The following B4GALNT3 variants were observed in gnomAD, a reference collection of about 807,000 sequenced individuals.
The protein encoded by B4GALNT3 is beta-1,4-N-acetylgalactosaminyltransferase 3.
B4GALNT3 carries 86 observed loss-of-function variants against 120.2 expected under a neutral mutation model. The ratio of observed to expected loss-of-function variants is 0.72; its 90% CI spans 0.60 to 0.86. The LOEUF (loss-of-function observed/expected upper bound fraction) is 0.86, where lower values mean the gene tolerates loss of function less well. Ranked by LOEUF, B4GALNT3 falls within the 40% of genes least tolerant of loss-of-function variation. B4GALNT3 has a pLI of 0.00. For synonymous variants in B4GALNT3, 518 were observed against 510.4 expected, an observed-to-expected ratio of 1.01 and a Z score of -0.20; for missense variants, 1,167 against 1,298.9, an observed-to-expected ratio of 0.90 and a Z score of 1.56.
chr12:544,341 C>G lies in B4GALNT3; in HGVS notation c.354C>G (p.Phe118Leu). 1.2e-6 allele frequency: 2 copies of G among 1,613,386 alleles called. No homozygotes were observed. The highest frequency in any genetic ancestry group is 1.7e-6 in the Non-Finnish European group (2 of 1,179,850). The change falls in exon 4 of 20, where the codon TTC becomes TTG. Residue 118 changes from phenylalanine to leucine, a missense_variant and splice_region_variant. Coordinates refer to ENST00000266383, the MANE Select transcript of B4GALNT3 (RefSeq NM_173593.4). Reference protein sequence around the residue: ...WNKPVPWLSEFRGRANLHVFE... With the variant: ...WNKPVPWLSELRGRANLHVFE... ...CCACTGGCGTCTCCGCCCTGCAGTT[C>G]CGGGGCCGTGCCAACCTGCATGTGT...
At chr12:527,849 C>A (rs1406716377) in intron 1 of B4GALNT3, among the ~76,000 whole-genome samples, 1 of 152,186 alleles carries the variant, frequency 6.6e-6, no homozygotes, top group African/African-American at 2.4e-5. Context: ...GGTCTCCACA[C>A]TCTTCCTTGC....
chr12:511,308 CCTTCCG>C (rs1946550472), intron 1 of B4GALNT3, among the ~76,000 whole-genome samples: 1 of 112,132 alleles, frequency 8.9e-6, no homozygotes. Flanking sequence ...CCACCTTCCA[CCTTCCG>C]CCTTCTGCCT....
chr12:551,243 C>T (rs2076943760), intron 11 of B4GALNT3, among the ~76,000 whole-genome samples: 1 of 152,254 alleles, frequency 6.6e-6, no homozygotes, highest in Non-Finnish European at 1.5e-5. Context: ...CACGTGGGTG[C>T]TCTGCCTCAG....
At chr12:554,445 TTA>T (rs1403758521) in intron 14 of B4GALNT3, among the ~76,000 whole-genome samples, 2 of 152,204 alleles carry the variant, frequency 1.3e-5, no homozygotes, top group Non-Finnish European at 2.9e-5. Context: ...ACGATAAAAT[TTA>T]TATAACATTA....
intron 1 of B4GALNT3, among the ~76,000 whole-genome samples, chr12:505,438 A>G (rs1016961472): frequency 3.0e-4 from 46 of 151,996 alleles, no homozygotes; most frequent in African/African-American, 1.1e-3. Context: ...TGGACTCCCT[A>G]AGCCCAGAGG....
chr12:519,864 G>C (rs777194989), intron 1 of B4GALNT3, among the ~76,000 whole-genome samples: 5 of 152,166 alleles, frequency 3.3e-5, no homozygotes, highest in Non-Finnish European at 7.4e-5. Flanking sequence ...AACAGCGCTC[G>C]CCATAACCCT....
intron 1 of B4GALNT3, among the ~76,000 whole-genome samples, chr12:472,261 C>A (rs993248778): frequency 2.6e-5 from 4 of 152,126 alleles, no homozygotes; most frequent in African/African-American, 9.7e-5. Flanking sequence ...GAGCAACATA[C>A]ATTTATTTTA....
intron 1 of B4GALNT3, among the ~76,000 whole-genome samples, chr12:527,822 G>A (rs1293598694): frequency 6.6e-6 from 1 of 152,190 alleles, no homozygotes; most frequent in Non-Finnish European, 1.5e-5. Flanking sequence ...GTTTGGGACC[G>A]TGGGACAATA....
chr12:551,315 G>A (rs1264505420), intron 11 of B4GALNT3, among the ~76,000 whole-genome samples: 1 of 152,186 alleles, frequency 6.6e-6, no homozygotes, highest in African/African-American at 2.4e-5. Context: ...CCTGGCTGAG[G>A]CTTCTTAAGC....
chr12:549,168 C>T (rs925411917), intron 9 of B4GALNT3, among the ~76,000 whole-genome samples: 3 of 152,092 alleles, frequency 2.0e-5, no homozygotes, highest in Non-Finnish European at 4.4e-5. Context: ...TGCATGAACC[C>T]GGGAGACAGA....
rs1358051759 is a variant in B4GALNT3 at position 558,616 on chromosome 12, A to G, written c.2716A>G (p.Met906Val). ...CVEGKMAFAPMVMRLHCGATP... is the reference protein window; with the variant it reads ...CVEGKMAFAPVVMRLHCGATP... ...GGAGGGAAAGATGGCCTTTGCCCCC[A>G]TGGTGATGAGGCTGCATTGTGGGGC... The change falls in exon 18 of 20, where the codon ATG becomes GTG. Residue 906 changes from methionine (M) to valine (V), a missense_variant. Transcript: ENST00000266383. 1 of 1,613,974 alleles carries G rather than the reference A, an allele frequency of 6.2e-7. No individual in the cohort carries two copies. The highest frequency in any genetic ancestry group is 1.7e-5 in the Admixed American group (1 of 60,002).
intron 1 of B4GALNT3, among the ~76,000 whole-genome samples, chr12:481,154 G>T (rs1565589950): frequency 6.6e-6 from 1 of 152,150 alleles, no homozygotes; most frequent in Non-Finnish European, 1.5e-5. Context: ...CACCAGAGGT[G>T]CCCCTGGAGG....
chr12:556,900 G>T, intron 15 of B4GALNT3, 34 bp downstream of exon 15: 1 of 1,574,856 alleles, frequency 6.3e-7, no homozygotes, highest in Non-Finnish European at 8.6e-7. Flanking sequence ...CATTCTCAGG[G>T]GCGGGGTCCT....
intron 7 of B4GALNT3, among the ~76,000 whole-genome samples, chr12:547,131 G>T (rs557151523): frequency 5.9e-5 from 9 of 151,728 alleles, no homozygotes; most frequent in Admixed American, 2.6e-4. Context: ...GGTGGCCCAC[G>T]CGCGCTCACG....
At chr12:513,392 A>G (rs1946618801) in intron 1 of B4GALNT3, among the ~76,000 whole-genome samples, 1 of 152,240 alleles carries the variant, frequency 6.6e-6, no homozygotes, top group African/African-American at 2.4e-5. Context: ...TAGATGCTAA[A>G]CGGTGTGGGT....
Position 460,282 on chromosome 12 carries a change from G to T in B4GALNT3, c.-95G>T. 1 of 902,950 alleles carries T rather than the reference G, an allele frequency of 1.1e-6. No homozygotes were observed. Among genetic ancestry groups the T allele is most frequent in the Non-Finnish European group, 1.3e-6 (1 of 756,578 alleles). 55.9% of individuals were successfully genotyped at this position (902,950 alleles called of 1,614,324 possible). ...CGGCGCAGCCCTGAGACGCTGGGCC[G>T]GGACGCGGGGCGCCCTGGGCGCGGG... On this transcript the variant is annotated 5_prime_UTR_variant, in exon 1 of 20. Transcript: ENST00000266383. This position sits in a 1 kb window ranked among gnomAD's most constrained non-coding sequence, Gnocchi z 8.0.
chr12:460,325 C>A lies in B4GALNT3; in HGVS notation c.-52C>A. ...GGCGCGGGGCCCGGCCGGGGGGCGG[C>A]GGCTCGGGGGGTTGGAGCCCGCGCT... On this transcript the variant is annotated 5_prime_UTR_variant, in exon 1 of 20. Transcript: ENST00000266383. The surrounding 1 kb of genome is among the most constrained non-coding windows in gnomAD (Gnocchi z 8.0). The A allele has an allele frequency of 1.0e-6, 1 of 986,678 alleles. No individual in the cohort carries two copies. Among genetic ancestry groups the A allele is most frequent in the Non-Finnish European group, 1.2e-6 (1 of 831,216 alleles). 61.1% of individuals were successfully genotyped at this position (986,678 alleles called of 1,614,324 possible).
At position 553,909 on chromosome 12, in the gene B4GALNT3, C is replaced by T. The variant is rs749123156; in HGVS notation, c.1986C>T (p.Asn662=). The T allele has an allele frequency of 6.2e-7, 1 of 1,614,128 alleles. No homozygotes were observed. The highest frequency in any genetic ancestry group is 2.2e-5 in the East Asian group (1 of 44,876). Reference sequence around the variant, plus strand: ...ATCTGAGCTGTAACACATCTGGCAACCTGCTGCTTCCAGAGCAGGAAGCTC... The same window carrying T: ...ATCTGAGCTGTAACACATCTGGCAATCTGCTGCTTCCAGAGCAGGAAGCTC... ...WIDLSCNTSG[N]LLLPEQEALE... The change falls in exon 14 of 20, where the codon AAC becomes AAT. Residue 662 remains asparagine (N), a synonymous_variant. Transcript: ENST00000266383.
intron 18 of B4GALNT3, 111 bp from the exon 19 acceptor site, chr12:559,184 A>G (rs2072385): frequency 5.6e-6 from 8 of 1,441,258 alleles, no homozygotes; most frequent in Non-Finnish European, 7.7e-6. Flanking sequence ...GCCTCCCTCA[A>G]CCCCAGCCTC....
Sources: allele counts gnomAD v4.1 joint callset (sites outside exome capture counted in the v4.1 genomes callset), GRCh38; gene constraint gnomAD v4.1.1; non-coding constraint Gnocchi (gnomAD v3.1); transcripts MANE v1.5; gene names NCBI Gene and HGNC (gene_info 2026-07-23, HGNC 2026-07-21).